MYT1L: variants seen among roughly 807,000 people sequenced by gnomAD.
MYT1L encodes myelin transcription factor 1 like, also known as myelin transcription factor 1-like protein.
A neutral mutation model predicts 126.7 loss-of-function variants in MYT1L; 12 were observed. The observed-to-expected ratio is 0.09, with a 90% CI of 0.06 to 0.15. The LOEUF (loss-of-function observed/expected upper bound fraction) is 0.15. MYT1L is among the 10% of genes least tolerant of loss of function. MYT1L has a pLI of 1.00. For synonymous variants in MYT1L, 541 were observed against 604.2 expected, an observed-to-expected ratio of 0.90 and a Z score of 1.53; for missense variants, 979 against 1,585.2, an observed-to-expected ratio of 0.62 and a Z score of 6.49.
At chr2:2,181,374 C>T (rs543280437) in intron 2 of MYT1L, among the ~76,000 whole-genome samples, 4 of 152,262 alleles carry the variant, frequency 2.6e-5, no homozygotes, top group South Asian at 4.1e-4. Context: ...CACACAGAAA[C>T]TTCATGAATG....
At chr2:2,307,163 A>G (rs1229630538) in intron 1 of MYT1L, among the ~76,000 whole-genome samples, 1 of 152,144 alleles carries the variant, frequency 6.6e-6, no homozygotes, top group Admixed American at 6.6e-5. Context: ...AGGGATAGAA[A>G]GCATGCTTGA....
In MYT1L at chr2:2,228,187, A is replaced by G. The variant is rs2094064138; in HGVS notation, c.-420-55199T>C. ...CATTACCTACATAAAAGACAGGGCA[A>G]GGGGGTGATTCTGTAATATACATTT... On this transcript the variant is annotated intron_variant, in intron 2 of 24. Transcript: ENST00000647738. The surrounding 1 kb of genome is among the most constrained non-coding windows in gnomAD (Gnocchi z 5.9). Among the ~76,000 whole-genome samples the G allele has an allele frequency of 6.6e-6, 1 of 152,226 alleles. No individual in the cohort carries two copies.
chr2:1,934,117 G>A (rs920531478), intron 9 of MYT1L, among the ~76,000 whole-genome samples: 1 of 150,482 alleles, frequency 6.6e-6, no homozygotes. Flanking sequence ...TGGGACTACA[G>A]GCACCCGCCA....
chr2:2,159,336 G>A (rs773482669), intron 3 of MYT1L, among the ~76,000 whole-genome samples: 1 of 152,142 alleles, frequency 6.6e-6, no homozygotes, highest in Non-Finnish European at 1.5e-5. Context: ...ACTCTTAGGT[G>A]TCGGCACTGA....
In MYT1L at chr2:2,224,408, GAGGTGAC is replaced by G. The variant is rs1162873391; in HGVS notation, c.-420-51427_-420-51421del. 6.6e-6 allele frequency among the ~76,000 whole-genome samples: 1 copy of G among 152,154 alleles called. No homozygotes were observed. Among genetic ancestry groups the G allele is most frequent in the East Asian group, 1.9e-4 (1 of 5,186 alleles). Reference sequence around the variant, plus strand: ...TCCCCAAAAAGACCGGAGAGCTGGCGAGGTGACAGCCATGCTGCTCTTTCTAATTGCA... The same window carrying G: ...TCCCCAAAAAGACCGGAGAGCTGGCGAGCCATGCTGCTCTTTCTAATTGCA... On this transcript the variant is annotated intron_variant, in intron 2 of 24. Coordinates refer to ENST00000647738, the MANE Select transcript of MYT1L (RefSeq NM_001303052.2). The surrounding 1 kb of genome is among the most constrained non-coding windows in gnomAD (Gnocchi z 4.0).
intron 3 of MYT1L, among the ~76,000 whole-genome samples, chr2:2,168,470 C>T (rs139715321): frequency 6.6e-6 from 1 of 152,320 alleles, no homozygotes; most frequent in African/African-American, 2.4e-5. Context: ...GGTCCTTGCA[C>T]ATCAGCTGTT....
intron 3 of MYT1L, among the ~76,000 whole-genome samples, chr2:2,120,029 G>A (rs980828152): frequency 1.3e-5 from 2 of 152,152 alleles, no homozygotes; most frequent in Non-Finnish European, 2.9e-5. Flanking sequence ...TGAGGGAAAT[G>A]GAGATCAACC....
At chr2:1,883,272 G>A (rs999294633) in intron 18 of MYT1L, among the ~76,000 whole-genome samples, 4 of 152,178 alleles carry the variant, frequency 2.6e-5, no homozygotes, top group Admixed American at 6.5e-5. Flanking sequence ...CTCTGTGATC[G>A]AAATGAGTTT....
chr2:1,807,020 G>A (rs1192306867), intron 22 of MYT1L, among the ~76,000 whole-genome samples: 3 of 152,222 alleles, frequency 2.0e-5, no homozygotes. Context: ...TGTCTCAAAA[G>A]CGGGGTCCTT....
At chr2:2,279,875 G>T (rs2149393948) in intron 2 of MYT1L, among the ~76,000 whole-genome samples, 1 of 152,332 alleles carries the variant, frequency 6.6e-6, no homozygotes, top group African/African-American at 2.4e-5. Context: ...GGAAGCTGTT[G>T]TTAGCAGACA....
chr2:1,887,196 T>C lies in MYT1L; in HGVS notation c.2642+292A>G, dbSNP rs995186188. On this transcript the variant is annotated intron_variant, in intron 17 of 24. Coordinates refer to ENST00000647738, the MANE Select transcript of MYT1L (RefSeq NM_001303052.2). This position sits in a 1 kb window ranked among gnomAD's most constrained non-coding sequence, Gnocchi z 4.8. ...AAAAAAAAAAACTTTTAAAAAAGTTTCATTGTTTCCAGTTTAGCTGCAATG... is the reference window on the plus strand; with the variant it reads ...AAAAAAAAAAACTTTTAAAAAAGTTCCATTGTTTCCAGTTTAGCTGCAATG... 2.6e-5 allele frequency: 11 copies of C among 415,882 alleles called. No homozygotes were observed. Among genetic ancestry groups the C allele is most frequent in the Non-Finnish European group, 4.2e-5 (10 of 236,834 alleles). The allele number at this position is 415,882 out of a possible 1,614,324, so 25.8% of individuals were successfully genotyped here.
chr2:1,949,439 T>C (rs1002784046), intron 8 of MYT1L, among the ~76,000 whole-genome samples: 2 of 152,090 alleles, frequency 1.3e-5, no homozygotes, highest in African/African-American at 4.8e-5. Flanking sequence ...GATGTCTTTT[T>C]GCTGTTGTAG....
intron 8 of MYT1L, among the ~76,000 whole-genome samples, chr2:1,949,314 G>T (rs1226923168): frequency 6.6e-6 from 1 of 152,194 alleles, no homozygotes; most frequent in Non-Finnish European, 1.5e-5. Flanking sequence ...GCCTTTCCAT[G>T]TTTTCACCCT....
At chr2:2,283,526 C>T (rs2095478860) in intron 2 of MYT1L, among the ~76,000 whole-genome samples, 1 of 152,072 alleles carries the variant, frequency 6.6e-6, no homozygotes. Context: ...GACATTGGGT[C>T]CAACAGATTG....
chr2:2,086,765 T>C (rs187118815), intron 3 of MYT1L, among the ~76,000 whole-genome samples: 6 of 152,290 alleles, frequency 3.9e-5, no homozygotes, highest in East Asian at 1.9e-4. Context: ...TTCTTGGAAC[T>C]TCCCCTTAGG....
chr2:1,999,639 C>A (rs1454454686), intron 4 of MYT1L, among the ~76,000 whole-genome samples: 1 of 152,070 alleles, frequency 6.6e-6, no homozygotes, highest in Non-Finnish European at 1.5e-5. Flanking sequence ...TCAACATAAT[C>A]TATTAAAATA....
At chr2:1,980,157 T>C (rs1272953800) in intron 5 of MYT1L, among the ~76,000 whole-genome samples, 2 of 148,342 alleles carry the variant, frequency 1.3e-5, no homozygotes, top group Non-Finnish European at 1.5e-5. Flanking sequence ...AGAAGGTAAA[T>C]ATATATAATA....
intron 5 of MYT1L, among the ~76,000 whole-genome samples, chr2:1,980,637 T>C (rs1357559884): frequency 6.6e-6 from 1 of 152,164 alleles, no homozygotes; most frequent in African/African-American, 2.4e-5. Context: ...GTATTTTTAT[T>C]ATACCTATTT....
intron 4 of MYT1L, among the ~76,000 whole-genome samples, chr2:2,012,872 T>TA (rs112067085): frequency 5.3e-5 from 8 of 152,184 alleles, no homozygotes; most frequent in African/African-American, 1.7e-4. Context: ...CCCCAGGTGA[T>TA]AGAGCACCGA....
Sources: allele counts gnomAD v4.1 joint callset (sites outside exome capture counted in the v4.1 genomes callset), GRCh38; gene constraint gnomAD v4.1.1; non-coding constraint Gnocchi (gnomAD v3.1); transcripts MANE v1.5; gene names NCBI Gene and HGNC (gene_info 2026-07-23, HGNC 2026-07-21).